Variants in ZSCAN20 observed in about 807,000 individuals in gnomAD.
ZSCAN20 encodes zinc finger and SCAN domain-containing protein 20.
Under a neutral mutation model 97.1 loss-of-function variants are expected in ZSCAN20, and 39 were observed. That is an observed-to-expected ratio of 0.40 (90% CI 0.31 to 0.52). The LOEUF (loss-of-function observed/expected upper bound fraction) is 0.52, where lower values mean the gene tolerates loss of function less well. Among genes scored for constraint, ZSCAN20 ranks in the 20% least tolerant of loss-of-function variants. The pLI is 0.49. For synonymous variants in ZSCAN20, 456 were observed against 467.3 expected, an observed-to-expected ratio of 0.98 and a Z score of 0.31; for missense variants, 1,115 against 1,290.4, an observed-to-expected ratio of 0.86 and a Z score of 2.08.
At chr1:33,484,136 G>A (rs1590432) in intron 2 of ZSCAN20, among the ~76,000 whole-genome samples, 117,720 of 152,154 alleles carry the variant, frequency 0.77, 45,887 homozygotes, top group African/African-American at 0.84. Flanking sequence ...ATAGACAATC[G>A]TGTCATTTGT....
At position 33,498,825 on chromosome 1, in the gene ZSCAN20, A is replaced by G. The variant is rs529568773; in HGVS notation, c.*3349A>G. On this transcript the variant is annotated 3_prime_UTR_variant, in exon 8 of 8. Transcript: ENST00000684572. ...GAAGGGCATTGGCTCCTCTGAAGGG[A>G]CAAAAAGGTACCTAAAGGACCTTAG... Among the ~76,000 whole-genome samples the G allele has an allele frequency of 6.6e-6, 1 of 152,314 alleles. No individual in the cohort carries two copies. Among genetic ancestry groups the G allele is most frequent in the African/African-American group, 2.4e-5 (1 of 41,570 alleles).
Position 33,494,395 on chromosome 1 carries a change from A to G in ZSCAN20, c.2051A>G (p.Gln684Arg). ...EGQWGNPSQEQWQESSSEEDL... is the reference protein window; with the variant it reads ...EGQWGNPSQERWQESSSEEDL... ...CAGTGGGGAAATCCCTCACAGGAACAGTGGCAAGAAAGTTCTTCTGAAGAG... is the reference window on the plus strand; with the variant it reads ...CAGTGGGGAAATCCCTCACAGGAACGGTGGCAAGAAAGTTCTTCTGAAGAG... The change falls in exon 8 of 8, where the codon CAG becomes CGG. Residue 684 changes from glutamine (Q) to arginine (R), a missense_variant. Around this residue, in one of 3 missense-constraint regions of ZSCAN20, gnomAD observed 554 missense variants for 584.9 expected, o/e 0.95. Coordinates refer to ENST00000684572, the MANE Select transcript of ZSCAN20 (RefSeq NM_001377376.1). The G allele has an allele frequency of 6.2e-7, 1 of 1,614,076 alleles. No homozygotes were observed.
chr1:33,481,152 A>G (rs138337818), intron 2 of ZSCAN20, among the ~76,000 whole-genome samples: 2 of 152,186 alleles, frequency 1.3e-5, no homozygotes, highest in Non-Finnish European at 2.9e-5. Context: ...AGAACTAAGT[A>G]TGAGAGAGTG....
In ZSCAN20 at chr1:33,501,230, GC is replaced by G. The variant is rs1653058657; in HGVS notation, c.*5755del. On this transcript the variant is annotated 3_prime_UTR_variant, in exon 8 of 8. Transcript: ENST00000684572. ...GAGAGGTAAGGCCAGCTAGGCTGGAGCGCCAGCATCAGTAGTAGGGGCAGGA... is the reference window on the plus strand; with the variant it reads ...GAGAGGTAAGGCCAGCTAGGCTGGAGGCCAGCATCAGTAGTAGGGGCAGGA... Among the ~76,000 whole-genome samples the G allele has an allele frequency of 6.6e-6, 1 of 152,208 alleles. No homozygotes were observed. The highest frequency in any genetic ancestry group is 2.1e-4 in the South Asian group (1 of 4,832).
intron 1 of ZSCAN20, 87 bp from the exon 2 acceptor site, chr1:33,479,092 A>G (rs1031322556): frequency 1.1e-5 from 6 of 569,032 alleles, no homozygotes; most frequent in Non-Finnish European, 1.8e-5. Context: ...GCCCCCATGC[A>G]AAGGTGGCGG....
In ZSCAN20 at chr1:33,495,509, A is replaced by G. The variant is rs746356387; in HGVS notation, c.*33A>G. 2 of 1,489,548 alleles carry G rather than the reference A, an allele frequency of 1.3e-6. No individual in the cohort carries two copies. The highest frequency in any genetic ancestry group is 1.4e-5 in the African/African-American group (1 of 71,382). 92.3% of individuals were successfully genotyped at this position (1,489,548 alleles called of 1,614,324 possible). On this transcript the variant is annotated 3_prime_UTR_variant, in exon 8 of 8. Coordinates refer to ENST00000684572, the MANE Select transcript of ZSCAN20 (RefSeq NM_001377376.1). ...TTTCCTCAACAACAAAGGAGGACTC[A>G]ATGTATATATCTTATATCATAAGAT...
intron 7 of ZSCAN20, 108 bp from the exon 8 acceptor site, chr1:33,494,110 C>T (rs1652737252): frequency 9.6e-7 from 1 of 1,042,504 alleles, no homozygotes; most frequent in Admixed American, 2.8e-5. Context: ...ATATAAGAAT[C>T]AAATTCATGT....
chr1:33,489,363 A>G, intron 4 of ZSCAN20, 155 bp from the exon 5 acceptor site: 2 of 974,474 alleles, frequency 2.1e-6, no homozygotes, highest in Non-Finnish European at 3.1e-6. Flanking sequence ...CCCCAAACAC[A>G]TGTATGTACC....
intron 1 of ZSCAN20, among the ~76,000 whole-genome samples, chr1:33,477,861 G>T (rs564170310): frequency 1.5e-4 from 23 of 152,016 alleles, no homozygotes; most frequent in East Asian, 7.7e-4. Context: ...GAAAATGTAA[G>T]ATGCTATGGG....
Position 33,489,834 on chromosome 1 carries a change from T to C in ZSCAN20, c.766+232T>C, listed in dbSNP as rs568456036. On this transcript the variant is annotated intron_variant, in intron 5 of 7. Coordinates refer to ENST00000684572, the MANE Select transcript of ZSCAN20 (RefSeq NM_001377376.1). ...GCCTGCCCTCTCTGGGCACATTACC[T>C]TCCTTACCTCAGTCCATTCACCACA... Among the ~76,000 whole-genome samples, 11 of 152,268 alleles carry C rather than the reference T, an allele frequency of 7.2e-5. No individual in the cohort carries two copies. The South Asian group carries it at 2.3e-3, about 32-fold the overall frequency.
chr1:33,489,723 GGAA>G (rs1652522346), intron 5 of ZSCAN20, 121 bp downstream of exon 5: 2 of 903,144 alleles, frequency 2.2e-6, no homozygotes, highest in African/African-American at 1.7e-5. Context: ...TTCAGAAATA[GGAA>G]GAAGACTTGC....
intron 2 of ZSCAN20, among the ~76,000 whole-genome samples, chr1:33,484,703 CCT>C (rs1652291024): frequency 6.6e-6 from 1 of 150,724 alleles, no homozygotes; most frequent in Non-Finnish European, 1.5e-5. Flanking sequence ...CTCACTGCAA[CCT>C]CTGCCTCCTG....
rs141164531 is a variant in ZSCAN20, at chr1:33,472,872, G to A, written c.-111+181G>A. Among the ~76,000 whole-genome samples the A allele has an allele frequency of 3.9e-3, 590 of 152,006 alleles. 5 individuals carry two copies. The highest frequency in any genetic ancestry group is 0.014 in the African/African-American group (565 of 41,426). On this transcript the variant is annotated intron_variant, in intron 1 of 7. Transcript: ENST00000684572. ...GCCGGAGATGGGAAGGGTCATACAG[G>A]GGTCGGGGATGAGGAGGCGATAGAG...
At position 33,499,346 on chromosome 1, in the gene ZSCAN20, CT is replaced by C. The variant is rs1238841633; in HGVS notation, c.*3877del. 1.3e-5 allele frequency among the ~76,000 whole-genome samples: 2 copies of C among 152,178 alleles called. No homozygotes were observed. Among genetic ancestry groups the C allele is most frequent in the East Asian group, 3.9e-4 (2 of 5,194 alleles). On this transcript the variant is annotated 3_prime_UTR_variant, in exon 8 of 8. Transcript: ENST00000684572. ...CATTCACTCTGTTTCCCTTTCTCTTCTTTTTTTCTTTTCCTTTCTTTCTCTC... is the reference window on the plus strand; with the variant it reads ...CATTCACTCTGTTTCCCTTTCTCTTCTTTTTTCTTTTCCTTTCTTTCTCTC...
In ZSCAN20 at chr1:33,491,806, C is replaced by T; in HGVS notation, c.1444+104C>T. The T allele has an allele frequency of 8.2e-7, 1 of 1,218,532 alleles. No individual in the cohort carries two copies. The highest frequency in any genetic ancestry group is 1.1e-6 in the Non-Finnish European group (1 of 883,812). The allele number at this position is 1,218,532 out of a possible 1,614,324, so 75.5% of individuals were successfully genotyped here. On this transcript the variant is annotated intron_variant, in intron 6 of 7. Coordinates refer to ENST00000684572, the MANE Select transcript of ZSCAN20 (RefSeq NM_001377376.1). The surrounding 1 kb of genome is among the most constrained non-coding windows in gnomAD (Gnocchi z 4.3). ...ACAGGCTGCAAGTCTGGATTGAAGC[C>T]ACTAGAGTGAAGAGCTACATTCCTT...
At position 33,493,485 on chromosome 1, in the gene ZSCAN20, C is replaced by G; in HGVS notation, c.1743C>G (p.Val581=). The G allele has an allele frequency of 1.2e-6, 2 of 1,614,154 alleles. No homozygotes were observed. The highest frequency in any genetic ancestry group is 2.2e-5 in the South Asian group (2 of 91,072). Residue 581 remains valine (V), a synonymous_variant, in exon 7 of 8, where the codon GTC becomes GTG. Coordinates refer to ENST00000684572, the MANE Select transcript of ZSCAN20 (RefSeq NM_001377376.1). This position sits in a 1 kb window ranked among gnomAD's most constrained non-coding sequence, Gnocchi z 4.3. ...CTGCAGTCAGGGCCATGGGGACTGT[C>G]CGAGAGGCTGCAGGTCTCCCTAGGT... ...ARAAVRAMGT[V]REAAGLPRCG...
Position 33,479,453 on chromosome 1 carries a change from G to A in ZSCAN20, c.165G>A (p.Arg55=), listed in dbSNP as rs763207013. The change falls in exon 2 of 8, where the codon AGG becomes AGA. Residue 55 remains arginine (R), a synonymous_variant. Transcript: ENST00000684572. The part of the protein sequence containing the change: ...SGPEASRQRF[R]QFQYRDAAGP... Reference sequence around the variant, plus strand: ...CAGAGGCCTCCCGCCAGCGCTTCAGGCAATTCCAATACAGGGATGCAGCTG... The same window carrying A: ...CAGAGGCCTCCCGCCAGCGCTTCAGACAATTCCAATACAGGGATGCAGCTG... 2 of 1,614,230 alleles carry A rather than the reference G, an allele frequency of 1.2e-6. No individual in the cohort carries two copies. The highest frequency in any genetic ancestry group is 1.7e-6 in the Non-Finnish European group (2 of 1,180,028).
rs1652618446 is a variant in ZSCAN20 at position 33,491,599 on chromosome 1, T to C, written c.1341T>C (p.Pro447=). 1.2e-6 allele frequency: 2 copies of C among 1,614,098 alleles called. No individual in the cohort carries two copies. Among genetic ancestry groups the C allele is most frequent in the Non-Finnish European group, 1.7e-6 (2 of 1,180,010 alleles). ...MDEQEEGGWD[P]EEMAEDCNGA... The stretch of plus-strand genomic sequence containing the variant: ...AGCAGGAGGAAGGGGGCTGGGATCC[T>C]GAAGAAATGGCAGAAGACTGTAACG... Residue 447 remains proline (P), a synonymous_variant, in exon 6 of 8, where the codon CCT becomes CCC. Coordinates refer to ENST00000684572, the MANE Select transcript of ZSCAN20 (RefSeq NM_001377376.1). This position sits in a 1 kb window ranked among gnomAD's most constrained non-coding sequence, Gnocchi z 4.3.
intron 5 of ZSCAN20, among the ~76,000 whole-genome samples, chr1:33,490,203 G>A (rs960243459): frequency 5.9e-5 from 9 of 152,156 alleles, no homozygotes; most frequent in African/African-American, 2.2e-4. Context: ...AAGCTCGCTG[G>A]CTACTTGCTT....
Sources: gnomAD v4.1 joint callset for allele counts (sites outside exome capture counted in the v4.1 genomes callset) on GRCh38, gnomAD v4.1.1 for gene constraint, gnomAD v4.1.1 regional missense constraint, Gnocchi (gnomAD v3.1) non-coding constraint, MANE v1.5 for transcripts, NCBI Gene and HGNC (gene_info 2026-07-23, HGNC 2026-07-21) for gene names.